The following ST3GAL2 variants were observed in gnomAD, a reference collection of about 807,000 sequenced individuals.
The protein encoded by ST3GAL2 is CMP-N-acetylneuraminate-beta-galactosamide-alpha-2,3-sialyltransferase 2.
ST3GAL2 carries 16 observed loss-of-function variants against 37.5 expected under a neutral mutation model. The ratio of observed to expected loss-of-function variants is 0.43; its 90% CI spans 0.29 to 0.65. The LOEUF (loss-of-function observed/expected upper bound fraction) is 0.65, where lower values mean the gene tolerates loss of function less well. Among genes scored for constraint, ST3GAL2 ranks in the 30% least tolerant of loss-of-function variants. The pLI, the probability that ST3GAL2 is intolerant of heterozygous loss-of-function variation, is 0.17. For missense variants in ST3GAL2, 383 were observed against 487.8 expected (o/e 0.79, Z 2.02); for synonymous variants, 238 against 202.9 (o/e 1.17, Z -1.47).
chr16:70,400,387 A>C (rs1017713761), intron 1 of ST3GAL2: 6 of 152,850 alleles, frequency 3.9e-5, no homozygotes, highest in Admixed American at 2.6e-4. Context: ...TGCCGTGGGA[A>C]TCTTGCAAAG....
At chr16:70,413,855 A>G (rs2047657141) in intron 1 of ST3GAL2, among the ~76,000 whole-genome samples, 1 of 152,150 alleles carries the variant, frequency 6.6e-6, no homozygotes, top group Non-Finnish European at 1.5e-5. Flanking sequence ...GATTCAAGCA[A>G]TTTCCTAGCT....
chr16:70,414,059 T>C (rs2047658583), intron 1 of ST3GAL2, among the ~76,000 whole-genome samples: 1 of 152,134 alleles, frequency 6.6e-6, no homozygotes, highest in African/African-American at 2.4e-5. Flanking sequence ...ATGAATATAT[T>C]TTTAGAATTT....
Position 70,379,992 on chromosome 16 carries a change from A to G in ST3GAL2, c.*1697T>C, listed in dbSNP as rs1172675911. On this transcript the variant is annotated 3_prime_UTR_variant, in exon 7 of 7. Coordinates refer to ENST00000342907, the MANE Select transcript of ST3GAL2 (RefSeq NM_006927.4). ...AAAGAAATAAATTATTCTGCTCAATACTGTTTGGCATAATTGCATTGCTTT... is the reference window on the plus strand; with the variant it reads ...AAAGAAATAAATTATTCTGCTCAATGCTGTTTGGCATAATTGCATTGCTTT... 1 of 152,086 alleles carries G rather than the reference A, an allele frequency of 6.6e-6. No individual in the cohort carries two copies. Among genetic ancestry groups the G allele is most frequent in the East Asian group, 1.9e-4 (1 of 5,194 alleles). The allele number at this position is 152,086 out of a possible 1,614,324, so 9.4% of individuals were successfully genotyped here. A position where few individuals can be genotyped will look rare whatever the true frequency, so the allele number is the denominator to read the frequency against.
intron 1 of ST3GAL2, among the ~76,000 whole-genome samples, chr16:70,433,664 T>C (rs2047805918): frequency 6.6e-6 from 1 of 152,066 alleles, no homozygotes; most frequent in Admixed American, 6.6e-5. Flanking sequence ...CAACAGCGGT[T>C]CCCTGAAGAG....
intron 1 of ST3GAL2, among the ~76,000 whole-genome samples, chr16:70,415,377 CCG>C (rs1491454580): frequency 6.6e-6 from 1 of 151,786 alleles, no homozygotes; most frequent in African/African-American, 2.4e-5. Context: ...TTACAGCCCT[CCG>C]GGCGGCACGG....
At chr16:70,415,127 GC>G (rs2047667105) in intron 1 of ST3GAL2, among the ~76,000 whole-genome samples, 1 of 152,156 alleles carries the variant, frequency 6.6e-6, no homozygotes, top group Admixed American at 6.6e-5. Flanking sequence ...ACCTGCCTCG[GC>G]CTCCCAAAGT....
At chr16:70,395,801 G>C (rs963877815) in intron 2 of ST3GAL2, among the ~76,000 whole-genome samples, 1 of 152,196 alleles carries the variant, frequency 6.6e-6, no homozygotes, top group African/African-American at 2.4e-5. Flanking sequence ...CCACACAGGA[G>C]TGACATGGCA....
chr16:70,414,765 T>C (rs949622159), intron 1 of ST3GAL2, among the ~76,000 whole-genome samples: 1 of 152,128 alleles, frequency 6.6e-6, no homozygotes, highest in Non-Finnish European at 1.5e-5. Flanking sequence ...CTCCGCCTCC[T>C]GGGTTCAAGT....
At chr16:70,383,105 A>G in intron 5 of ST3GAL2, 85 bp downstream of exon 5, 2 of 1,590,926 alleles carry the variant, frequency 1.3e-6, no homozygotes, top group Non-Finnish European at 1.7e-6. Flanking sequence ...CTGCAGGGGA[A>G]ATGGAACACC....
In ST3GAL2 at chr16:70,398,295, G is replaced by A; in HGVS notation, c.236C>T (p.Ala79Val). Residue 79 changes from alanine (A) to valine (V), a missense_variant, in exon 2 of 7, where the codon GCC (alanine) becomes GTC (valine). Physicochemically the swap from Ala to Val is moderately conservative, Grantham distance 64 (BLOSUM62 0). This residue lies in a region of ST3GAL2 where 223 missense variants were observed against 239.1 expected (regional missense o/e 0.93). Coordinates refer to ENST00000342907, the MANE Select transcript of ST3GAL2 (RefSeq NM_006927.4). ...SCACRRCMGD[A>V]GASDWFDSHF... ...GCTGTCAAACCAGTCGGAGGCACCG[G>A]CATCGCCCATGCAGCGGCGACAGGC... 3.1e-6 allele frequency: 5 copies of A among 1,613,392 alleles called. No individual in the cohort carries two copies. Among genetic ancestry groups the A allele is most frequent in the Non-Finnish European group, 4.2e-6 (5 of 1,180,048 alleles).
At chr16:70,408,398 G>A (rs1275208422) in intron 1 of ST3GAL2, among the ~76,000 whole-genome samples, 1 of 152,088 alleles carries the variant, frequency 6.6e-6, no homozygotes, top group African/African-American at 2.4e-5. Context: ...AGAAGGAGCT[G>A]GGGCGGAGGG....
At chr16:70,437,255 A>G (rs1202111303) in intron 1 of ST3GAL2, among the ~76,000 whole-genome samples, 1 of 152,212 alleles carries the variant, frequency 6.6e-6, no homozygotes, top group Non-Finnish European at 1.5e-5. Flanking sequence ...AAACACCCAC[A>G]CAGACAGTTG....
chr16:70,408,366 G>A (rs1404161292), intron 1 of ST3GAL2, among the ~76,000 whole-genome samples: 1 of 152,020 alleles, frequency 6.6e-6, no homozygotes, highest in Non-Finnish European at 1.5e-5. Context: ...CTCCTGGGTG[G>A]GGGGCAGCAC....
chr16:70,395,370 C>T (rs947006331), intron 2 of ST3GAL2, among the ~76,000 whole-genome samples, 195 bp from the exon 3 acceptor site: 1 of 152,344 alleles, frequency 6.6e-6, no homozygotes. Flanking sequence ...ACAGCAAAGT[C>T]CCCGGTTGTG....
intron 3 of ST3GAL2, among the ~76,000 whole-genome samples, chr16:70,394,338 C>T (rs555518883): frequency 5.0e-4 from 76 of 152,234 alleles, no homozygotes; most frequent in Non-Finnish European, 9.4e-4. Flanking sequence ...CACTCCTTGC[C>T]CAGCTGCTGA....
At chr16:70,436,075 G>A (rs1735156537) in intron 1 of ST3GAL2, among the ~76,000 whole-genome samples, 1 of 151,184 alleles carries the variant, frequency 6.6e-6, no homozygotes, top group East Asian at 1.9e-4. Flanking sequence ...GCAGTGAGCT[G>A]AGATCACACC....
Position 70,381,529 on chromosome 16 carries a change from T to A in ST3GAL2, c.*160A>T. On this transcript the variant is annotated 3_prime_UTR_variant, in exon 7 of 7. Coordinates refer to ENST00000342907, the MANE Select transcript of ST3GAL2 (RefSeq NM_006927.4). ...AAGCTCCGCCCGACCGCAGCGCAGA[T>A]TGGTGCCAGGCCCGGCCGGTCCCCC... 3.7e-6 allele frequency: 3 copies of A among 817,966 alleles called. No individual in the cohort carries two copies. Among genetic ancestry groups the A allele is most frequent in the Non-Finnish European group, 3.7e-6 (2 of 538,090 alleles). 50.7% of individuals were successfully genotyped at this position (817,966 alleles called of 1,614,324 possible). A position where few individuals can be genotyped will look rare whatever the true frequency, so the allele number is the denominator to read the frequency against.
Position 70,388,418 on chromosome 16 carries a change from AC to A in ST3GAL2, c.661del (p.Val221SerfsTer23). On this transcript the variant is annotated frameshift_variant, in exon 4 of 7. Transcript: ENST00000342907. LOFTEE classifies it high-confidence loss of function. ...GCTGGCGATCCACAGAAGGTCCAGG[AC>A]CTTGAAGGGCACCAGCACGAAGCTG... Reference protein sequence around the residue: ...NVSFVLVPFKVLDLLWIASAL... With the variant: ...NVSFVLVPFKXLDLLWIASAL... 1 of 1,614,204 alleles carries A rather than the reference AC, an allele frequency of 6.2e-7. No homozygotes were observed. The highest frequency in any genetic ancestry group is 2.2e-5 in the East Asian group (1 of 44,884).
At chr16:70,383,881 C>G (rs956902890) in intron 4 of ST3GAL2, among the ~76,000 whole-genome samples, 4 of 151,582 alleles carry the variant, frequency 2.6e-5, no homozygotes, top group African/African-American at 9.7e-5. Context: ...GCGATGGGGC[C>G]TTCCCTAGAC....
Sources: allele counts gnomAD v4.1 joint callset (sites outside exome capture counted in the v4.1 genomes callset), GRCh38; gene constraint gnomAD v4.1.1; regional missense constraint gnomAD v4.1.1; transcripts MANE v1.5; gene names NCBI Gene and HGNC (gene_info 2026-07-23, HGNC 2026-07-21).